ZNF292: variants seen among roughly 807,000 people sequenced by gnomAD.
ZNF292 encodes zinc finger protein 292, also known as 16 zinc-finger domain protein.
Under a neutral mutation model 217.9 loss-of-function variants are expected in ZNF292, and 26 were observed. That is an observed-to-expected ratio of 0.12 (90% CI 0.09 to 0.17). The LOEUF (loss-of-function observed/expected upper bound fraction) is 0.17, where lower values mean the gene tolerates loss of function less well. Among genes scored for constraint, ZNF292 ranks in the 10% least tolerant of loss-of-function variants. ZNF292 has a pLI of 1.00. For missense variants in ZNF292, 2,904 were observed against 3,175.2 expected (o/e 0.91, Z 2.05); for synonymous variants, 1,257 against 1,124.1 (o/e 1.12, Z -2.37).
chr6:87,209,643 A>G (rs1772399266), intron 1 of ZNF292, among the ~76,000 whole-genome samples: 1 of 152,228 alleles, frequency 6.6e-6, no homozygotes, highest in South Asian at 2.1e-4. Context: ...TTCTCTTGTC[A>G]GGCATTGAAG....
intron 1 of ZNF292, among the ~76,000 whole-genome samples, chr6:87,205,026 T>C (rs562474557): frequency 6.6e-6 from 1 of 152,252 alleles, no homozygotes; most frequent in East Asian, 1.9e-4. Context: ...GCTTCTGTAA[T>C]AAAGAGATTA....
chr6:87,161,019 C>T (rs1198974702), intron 1 of ZNF292, among the ~76,000 whole-genome samples: 1 of 151,700 alleles, frequency 6.6e-6, no homozygotes, highest in East Asian at 1.9e-4. Flanking sequence ...TAGTTAAGCT[C>T]CAGAAATATA....
chr6:87,252,707 G>A (rs1582508006), intron 7 of ZNF292, among the ~76,000 whole-genome samples: 1 of 152,006 alleles, frequency 6.6e-6, no homozygotes, highest in Admixed American at 6.6e-5. Context: ...CTTGCATATC[G>A]TAATAGAGGA....
chr6:87,165,148 A>G (rs1306988649), intron 1 of ZNF292, among the ~76,000 whole-genome samples: 1 of 152,164 alleles, frequency 6.6e-6, no homozygotes, highest in African/African-American at 2.4e-5. Flanking sequence ...TCTACCTTGT[A>G]TAGTCTAATA....
chr6:87,240,384 G>T (rs1384923328), intron 5 of ZNF292, among the ~76,000 whole-genome samples: 2 of 151,430 alleles, frequency 1.3e-5, no homozygotes, highest in Admixed American at 6.6e-5. Flanking sequence ...GGTGGGGGAG[G>T]GGGAGGGGGT....
At chr6:87,156,061 A>C (rs1183904472) in intron 1 of ZNF292, among the ~76,000 whole-genome samples, 1 of 152,194 alleles carries the variant, frequency 6.6e-6, no homozygotes, top group Non-Finnish European at 1.5e-5. Flanking sequence ...CACGGTGCGG[A>C]TTGGAGAGAG....
At chr6:87,232,134 A>G (rs1773687776) in intron 4 of ZNF292, among the ~76,000 whole-genome samples, 1 of 152,158 alleles carries the variant, frequency 6.6e-6, no homozygotes. Context: ...TAGCAGGTGA[A>G]AAGGTCTAGA....
intron 1 of ZNF292, among the ~76,000 whole-genome samples, chr6:87,198,216 ATTTT>A (rs1554197646): frequency 5.3e-4 from 74 of 139,446 alleles, no homozygotes; most frequent in Middle Eastern, 3.5e-3. Flanking sequence ...TTATTTATTT[ATTTT>A]TTGAGATGGA....
chr6:87,255,570 G>A lies in ZNF292; in HGVS notation c.1941G>A (p.Val647=). ...KNSLYSTDFI[V]FNDNDGSDDE... The stretch of plus-strand genomic sequence containing the variant: ...GTCTCTATTCAACAGATTTTATAGT[G>A]TTTAATGACAATGATGGTTCAGATG... Residue 647 remains valine, a synonymous_variant, in exon 8 of 8, where the codon GTG becomes GTA. Coordinates refer to ENST00000369577, the MANE Select transcript of ZNF292 (RefSeq NM_015021.3). The A allele has an allele frequency of 6.2e-7, 1 of 1,610,646 alleles. No individual in the cohort carries two copies. Among genetic ancestry groups the A allele is most frequent in the Non-Finnish European group, 8.5e-7 (1 of 1,178,076 alleles).
intron 1 of ZNF292, among the ~76,000 whole-genome samples, chr6:87,187,921 A>G (rs1010401199): frequency 1.3e-5 from 2 of 152,006 alleles, no homozygotes; most frequent in Non-Finnish European, 2.9e-5. Flanking sequence ...TAATTCACCA[A>G]CTGCTACCTA....
At chr6:87,184,087 G>T (rs1244652324) in intron 1 of ZNF292, among the ~76,000 whole-genome samples, 44 of 152,326 alleles carry the variant, frequency 2.9e-4, no homozygotes, top group Non-Finnish European at 2.9e-5. Context: ...CTTTTGTAGA[G>T]TCACATTTAC....
In ZNF292 at chr6:87,265,105, C is replaced by T. The variant is rs1775769025; in HGVS notation, c.*3304C>T. Among the ~76,000 whole-genome samples the T allele has an allele frequency of 6.8e-6, 1 of 147,252 alleles. No individual in the cohort carries two copies. The highest frequency in any genetic ancestry group is 6.7e-5 in the Admixed American group (1 of 14,882). On this transcript the variant is annotated 3_prime_UTR_variant, in exon 8 of 8. Transcript: ENST00000369577. ...GTGCTGTAGTTCTCTCTCTCTCTCT[C>T]TCTTTTTTTTTCTTTGTTTTTTTTG... is the stretch of plus-strand genomic sequence containing the variant.
intron 1 of ZNF292, among the ~76,000 whole-genome samples, chr6:87,179,407 C>T (rs369937074): frequency 2.0e-5 from 3 of 151,924 alleles, no homozygotes; most frequent in Admixed American, 6.6e-5. Flanking sequence ...GTGATCCGCC[C>T]GCATCAGCCT....
In ZNF292 at chr6:87,256,504, G is replaced by A. The variant is rs1489999481; in HGVS notation, c.2875G>A (p.Val959Met). The part of the protein sequence containing the change: ...DNFGKQENST[V>M]EGSGEALVTD... ...CTTTGGAAAGCAAGAAAACTCAACT[G>A]TGGAAGGCAGTGGTGAAGCACTGGT... The change falls in exon 8 of 8, where the codon GTG becomes ATG. Residue 959 changes from valine to methionine, a missense_variant. Around this residue, in one of 15 missense-constraint regions of ZNF292, gnomAD observed 687 missense variants for 623.0 expected, o/e 1.10. Coordinates refer to ENST00000369577, the MANE Select transcript of ZNF292 (RefSeq NM_015021.3). 6.8e-6 allele frequency: 11 copies of A among 1,612,200 alleles called. No individual in the cohort carries two copies. The Admixed American group carries it at 1.7e-4, about 24-fold the overall frequency.
At chr6:87,241,554 A>G (rs7755244) in intron 5 of ZNF292, among the ~76,000 whole-genome samples, 94,237 of 151,650 alleles carry the variant, frequency 0.62, 30,594 homozygotes, top group African/African-American at 0.81. Flanking sequence ...CAGTAGCTGG[A>G]ACTACAGGCA....
Position 87,216,369 on chromosome 6 carries a change from C to G in ZNF292, c.394C>G (p.Leu132Val). ...SDKQWEQFQT[L>V]VQVAHEKLME... ...TAAACAGTGGGAACAATTTCAGACACTGGTGCAGGTGAGAATCTTTATCTT... is the reference window on the plus strand; with the variant it reads ...TAAACAGTGGGAACAATTTCAGACAGTGGTGCAGGTGAGAATCTTTATCTT... Residue 132 changes from leucine (L) to valine (V), a missense_variant, in exon 3 of 8, where the codon CTG (leucine) becomes GTG (valine). Physicochemically the swap from Leu to Val is conservative, Grantham distance 32. Coordinates refer to ENST00000369577, the MANE Select transcript of ZNF292 (RefSeq NM_015021.3). 1 of 1,577,916 alleles carries G rather than the reference C, an allele frequency of 6.3e-7. No homozygotes were observed. Among genetic ancestry groups the G allele is most frequent in the Non-Finnish European group, 8.6e-7 (1 of 1,159,134 alleles).
chr6:87,252,187 C>G (rs1259877720), intron 7 of ZNF292, among the ~76,000 whole-genome samples: 1 of 151,126 alleles, frequency 6.6e-6, no homozygotes, highest in Non-Finnish European at 1.5e-5. Flanking sequence ...GTTTTGCTCT[C>G]GTTGCCCAGG....
chr6:87,200,448 T>G (rs1227964810), intron 1 of ZNF292, among the ~76,000 whole-genome samples: 1 of 151,856 alleles, frequency 6.6e-6, no homozygotes, highest in Non-Finnish European at 1.5e-5. Context: ...CCTTTCTATG[T>G]TATGTACTAG....
At chr6:87,243,417 G>T in intron 5 of ZNF292, 58 bp from the exon 6 acceptor site, 4 of 1,409,542 alleles carry the variant, frequency 2.8e-6, no homozygotes, top group Non-Finnish European at 3.8e-6. Context: ...AAGGTATATT[G>T]CTCTATATTC....
Sources: allele counts gnomAD v4.1 joint callset (sites outside exome capture counted in the v4.1 genomes callset), GRCh38; gene constraint gnomAD v4.1.1; regional missense constraint gnomAD v4.1.1; transcripts MANE v1.5; gene names NCBI Gene and HGNC (gene_info 2026-07-23, HGNC 2026-07-21).